The following TNFAIP8 variants were observed in gnomAD, a reference collection of about 807,000 sequenced individuals.
The protein encoded by TNFAIP8 is TNF alpha induced protein 8.
In TNFAIP8, 7 loss-of-function variants were observed where a neutral mutation model predicts 13.3. The ratio of observed to expected loss-of-function variants is 0.52; its 90% confidence interval spans 0.30 to 0.99. The LOEUF (loss-of-function observed/expected upper bound fraction) is 0.99. TNFAIP8 is among the 50% of genes least tolerant of loss of function. The pLI is 0.07. For missense variants in TNFAIP8, 258 were observed against 236.9 expected, an observed-to-expected ratio of 1.09 and a Z score of -0.58; for synonymous variants, 94 against 87.6, an observed-to-expected ratio of 1.07 and a Z score of -0.41.
intron 1 of TNFAIP8, chr5:119,333,719 C>A: frequency 9.3e-7 from 1 of 1,070,718 alleles, no homozygotes; most frequent in South Asian, 1.4e-5. Context: ...CATAGTATTG[C>A]TGTCTTCAAG....
intron 1 of TNFAIP8, among the ~76,000 whole-genome samples, chr5:119,389,798 C>A (rs1752826068): frequency 6.6e-6 from 1 of 152,196 alleles, no homozygotes; most frequent in Non-Finnish European, 1.5e-5. Flanking sequence ...GACACAGCTG[C>A]TGTGTTTCTG....
intron 1 of TNFAIP8, among the ~76,000 whole-genome samples, chr5:119,315,815 G>T (rs1749877686): frequency 1.3e-5 from 2 of 152,172 alleles, no homozygotes; most frequent in Non-Finnish European, 2.9e-5. Flanking sequence ...ACACACAGAA[G>T]TCTTGATTGC....
At chr5:119,363,025 G>A (rs989238686) in intron 1 of TNFAIP8, among the ~76,000 whole-genome samples, 55 of 151,824 alleles carry the variant, frequency 3.6e-4, no homozygotes, top group African/African-American at 1.3e-3. Context: ...GGAAAGGAGG[G>A]GACTGGGCCA....
At chr5:119,312,525 A>T (rs1749761775) in intron 1 of TNFAIP8, among the ~76,000 whole-genome samples, 1 of 152,158 alleles carries the variant, frequency 6.6e-6, no homozygotes, top group African/African-American at 2.4e-5. Context: ...AGGCTTAATG[A>T]CATACACCGG....
At chr5:119,391,417 G>C (rs1216652768) in intron 1 of TNFAIP8, 2 of 702,386 alleles carry the variant, frequency 2.8e-6, no homozygotes, top group East Asian at 5.4e-5. Flanking sequence ...ACTCGACTCA[G>C]AGATTGAGTA....
At chr5:119,380,692 A>G (rs190701006) in intron 1 of TNFAIP8, among the ~76,000 whole-genome samples, 7 of 152,382 alleles carry the variant, frequency 4.6e-5, no homozygotes, top group African/African-American at 1.4e-4. Flanking sequence ...TCAGTTTTGT[A>G]TAAACAATTG....
At chr5:119,282,226 C>T (rs1748653388) in intron 1 of TNFAIP8, among the ~76,000 whole-genome samples, 1 of 152,230 alleles carries the variant, frequency 6.6e-6, no homozygotes. Context: ...AAGCCACTTA[C>T]TCTCAGTAGC....
At chr5:119,353,093 T>G (rs1751234333), upstream of TNFAIP8, among the ~76,000 whole-genome samples, 1 of 152,238 alleles carries the variant, frequency 6.6e-6, no homozygotes, top group African/African-American at 2.4e-5. Flanking sequence ...TGTTGCTAAC[T>G]TAGTTGCAAT....
At chr5:119,276,756 G>T (rs913199288) in intron 1 of TNFAIP8, among the ~76,000 whole-genome samples, 1 of 152,082 alleles carries the variant, frequency 6.6e-6, no homozygotes, top group Non-Finnish European at 1.5e-5. Context: ...AACCTTAATT[G>T]TTTATTAAAG....
At chr5:119,300,245 CA>C (rs1465070218) in intron 1 of TNFAIP8, among the ~76,000 whole-genome samples, 1 of 152,226 alleles carries the variant, frequency 6.6e-6, no homozygotes, top group African/African-American at 2.4e-5. Flanking sequence ...CCTAATCAGC[CA>C]TCTTGGCTGC....
chr5:119,331,945 T>G (rs1471235049), intron 1 of TNFAIP8, among the ~76,000 whole-genome samples: 2 of 152,210 alleles, frequency 1.3e-5, no homozygotes, highest in Admixed American at 6.5e-5. Context: ...GTCCTGCACT[T>G]CCAGGAAGAG....
At chr5:119,314,803 C>T (rs1749835101) in intron 1 of TNFAIP8, among the ~76,000 whole-genome samples, 2 of 152,224 alleles carry the variant, frequency 1.3e-5, no homozygotes, top group South Asian at 4.1e-4. Flanking sequence ...ACCTGCTTTT[C>T]AGTGCTGTCA....
chr5:119,365,922 A>G (rs1751835388), intron 1 of TNFAIP8, among the ~76,000 whole-genome samples: 1 of 152,156 alleles, frequency 6.6e-6, no homozygotes, highest in Non-Finnish European at 1.5e-5. Context: ...AAAGGAAATA[A>G]TTATTGGGAA....
chr5:119,336,706 T>C (rs567414204), intron 1 of TNFAIP8, among the ~76,000 whole-genome samples: 1 of 152,346 alleles, frequency 6.6e-6, no homozygotes, highest in South Asian at 2.1e-4. Flanking sequence ...TATTTGGATA[T>C]AATAAATATA....
rs1166144130 is a variant in TNFAIP8 at position 119,332,319 on chromosome 5, A to ATTCT, written c.2-60497_2-60496insTTCT. Among the ~76,000 whole-genome samples, 31 of 152,268 alleles carry ATTCT rather than the reference A, an allele frequency of 2.0e-4. 1 individual carries two copies. The highest frequency in any genetic ancestry group is 7.5e-4 in the African/African-American group (31 of 41,546). On this transcript the variant is annotated intron_variant, in intron 1 of 1. Transcript: ENST00000274456. ...GTTAAATCTTAATAGCAATTCTGTG[A>ATTCT]CATTGATGATGTTATTCTCATCTTA...
At chr5:119,360,920 C>A (rs957434386) in intron 1 of TNFAIP8, among the ~76,000 whole-genome samples, 1 of 152,180 alleles carries the variant, frequency 6.6e-6, no homozygotes, top group Admixed American at 6.5e-5. Context: ...CCTATTAGAT[C>A]CCGGATTTTG....
intron 1 of TNFAIP8, among the ~76,000 whole-genome samples, chr5:119,296,570 T>C (rs1749183136): frequency 1.3e-5 from 2 of 152,218 alleles, no homozygotes; most frequent in African/African-American, 4.8e-5. Flanking sequence ...TCATCAAGGA[T>C]ATTGGTCTAA....
intron 1 of TNFAIP8, among the ~76,000 whole-genome samples, chr5:119,319,843 G>A (rs922774957): frequency 7.2e-5 from 11 of 152,200 alleles, no homozygotes; most frequent in African/African-American, 2.7e-4. Flanking sequence ...GGTTTAGGAA[G>A]TACATAATTA....
chr5:119,327,834 GCA>G (rs1278154827), intron 1 of TNFAIP8, among the ~76,000 whole-genome samples: 1 of 152,116 alleles, frequency 6.6e-6, no homozygotes, highest in African/African-American at 2.4e-5. Flanking sequence ...AGTGACTGAG[GCA>G]CAGAGAAATT....
Sources: allele counts gnomAD v4.1 joint callset (sites outside exome capture counted in the v4.1 genomes callset), GRCh38; gene constraint gnomAD v4.1.1; transcripts MANE v1.5; gene names NCBI Gene and HGNC (gene_info 2026-07-23, HGNC 2026-07-21).